Variants in CENPW observed in about 807,000 individuals in gnomAD.
The protein encoded by CENPW is centromere protein W.
In CENPW, 3 loss-of-function variants were observed where a neutral mutation model predicts 11.1. The observed-to-expected ratio is 0.27, with a 90% CI of 0.12 to 0.70. The LOEUF is 0.70. Ranked by LOEUF, CENPW falls within the 30% of genes least tolerant of loss-of-function variation. The pLI, the probability that CENPW is intolerant of heterozygous loss-of-function variation, is 0.77. For synonymous variants in CENPW, 38 were observed against 42.0 expected (o/e 0.91, Z 0.37); for missense variants, 100 against 105.6 (o/e 0.95, Z 0.23).
At chr6:126,430,933 CAAAT>C in the CENPW span, among the ~76,000 whole-genome samples, 1 of 151,632 alleles carries the variant, frequency 6.6e-6, no homozygotes, top group East Asian at 1.9e-4. Context: ...AAAAAATAAA[CAAAT>C]AAAAAATAAA....
chr6:126,411,572 A>T, the CENPW span, among the ~76,000 whole-genome samples: 2 of 152,010 alleles, frequency 1.3e-5, no homozygotes, highest in Admixed American at 6.6e-5. Context: ...TCAGATGTGG[A>T]CTTCCCACAG....
the CENPW span, among the ~76,000 whole-genome samples, chr6:126,429,413 C>T: frequency 6.6e-6 from 1 of 152,032 alleles, no homozygotes; most frequent in Non-Finnish European, 1.5e-5. Context: ...ATTCCCCATC[C>T]CTTGGTGCTG....
the CENPW span, among the ~76,000 whole-genome samples, chr6:126,428,836 C>G: frequency 1.3e-5 from 2 of 152,058 alleles, no homozygotes; most frequent in African/African-American, 4.8e-5. Context: ...CATATGTGCT[C>G]ATTTTAGAAA....
chr6:126,410,661 T>C, the CENPW span, among the ~76,000 whole-genome samples: 1 of 151,800 alleles, frequency 6.6e-6, no homozygotes, highest in Non-Finnish European at 1.5e-5. Context: ...AAGGATGTCC[T>C]GTAAGTCTTG....
At chr6:126,422,850 G>A in the CENPW span, among the ~76,000 whole-genome samples, 17 of 152,004 alleles carry the variant, frequency 1.1e-4, no homozygotes, top group Admixed American at 1.1e-3. Flanking sequence ...CTTAACAACA[G>A]GAGTCTTAAT....
the CENPW span, among the ~76,000 whole-genome samples, chr6:126,356,313 G>A: frequency 0.017 from 2,560 of 152,226 alleles, 47 homozygotes; most frequent in Non-Finnish European, 0.025. Context: ...TTTATAAAAA[G>A]TTCAAGAGTA....
the CENPW span, among the ~76,000 whole-genome samples, chr6:126,369,150 G>T: frequency 6.6e-6 from 1 of 151,442 alleles, no homozygotes; most frequent in Non-Finnish European, 1.5e-5. Context: ...CATGGTGTGT[G>T]TATATATATA....
chr6:126,471,976 A>T, the CENPW span, among the ~76,000 whole-genome samples: 3 of 152,178 alleles, frequency 2.0e-5, no homozygotes, highest in Non-Finnish European at 2.9e-5. Context: ...CAATTTCTTT[A>T]TATATTTCAA....
chr6:126,453,317 G>T, the CENPW span, among the ~76,000 whole-genome samples: 3 of 151,052 alleles, frequency 2.0e-5, no homozygotes, highest in African/African-American at 7.3e-5. Flanking sequence ...GAGAGAAGGG[G>T]CAGGTAACCT....
chr6:126,459,756 A>G, the CENPW span, among the ~76,000 whole-genome samples: 1 of 151,574 alleles, frequency 6.6e-6, no homozygotes, highest in East Asian at 1.9e-4. Context: ...AAAAATCAGT[A>G]TTAGAAGAGA....
At chr6:126,340,726 T>C (rs1034757245) in intron 1 of CENPW, among the ~76,000 whole-genome samples, 2 of 152,224 alleles carry the variant, frequency 1.3e-5, no homozygotes, top group African/African-American at 4.8e-5. Context: ...GTGATTAATG[T>C]ACTTGCAAAG....
chr6:126,429,254 A>G, the CENPW span, among the ~76,000 whole-genome samples: 32 of 152,102 alleles, frequency 2.1e-4, no homozygotes, highest in African/African-American at 7.0e-4. Flanking sequence ...TTATTGTTCT[A>G]TTTCTTTACT....
chr6:126,347,940 A>C (rs1780439734), intron 2 of CENPW, among the ~76,000 whole-genome samples: 1 of 151,998 alleles, frequency 6.6e-6, no homozygotes, highest in South Asian at 2.1e-4. Context: ...TGTTCAGCAT[A>C]AGATGACTAG....
At chr6:126,374,961 C>T in the CENPW span, among the ~76,000 whole-genome samples, 1 of 152,164 alleles carries the variant, frequency 6.6e-6, no homozygotes, top group Non-Finnish European at 1.5e-5. Flanking sequence ...CTACAAGATA[C>T]CCCTAAATCA....
chr6:126,437,108 A>G, the CENPW span, among the ~76,000 whole-genome samples: 1 of 151,750 alleles, frequency 6.6e-6, no homozygotes, highest in Admixed American at 6.6e-5. Context: ...GTTTTCATTG[A>G]TTACGCACAA....
the CENPW span, among the ~76,000 whole-genome samples, chr6:126,399,699 A>G: frequency 6.6e-6 from 1 of 152,040 alleles, no homozygotes; most frequent in African/African-American, 2.4e-5. Context: ...TGAGTATACA[A>G]TAGAGATTTA....
At chr6:126,414,674 T>TA in the CENPW span, among the ~76,000 whole-genome samples, 2 of 151,332 alleles carry the variant, frequency 1.3e-5, no homozygotes, top group African/African-American at 4.9e-5. Context: ...ACCAAAAAAG[T>TA]AAAAAGATTT....
the CENPW span, among the ~76,000 whole-genome samples, chr6:126,428,279 G>A: frequency 6.6e-6 from 1 of 152,060 alleles, no homozygotes; most frequent in Non-Finnish European, 1.5e-5. Flanking sequence ...CTTCTTAAAT[G>A]CTGATAAAAA....
the CENPW span, among the ~76,000 whole-genome samples, chr6:126,454,003 A>G: frequency 6.6e-6 from 1 of 151,514 alleles, no homozygotes; most frequent in African/African-American, 2.4e-5. Flanking sequence ...TAAAGGGTTC[A>G]ATTCAACAAG....
Sources: gnomAD v4.1 joint callset for allele counts (sites outside exome capture counted in the v4.1 genomes callset) on GRCh38, gnomAD v4.1.1 for gene constraint, MANE v1.5 for transcripts, NCBI Gene and HGNC (gene_info 2026-07-23, HGNC 2026-07-21) for gene names.